The following RUFY2 variants were observed in gnomAD, a reference collection of about 807,000 sequenced individuals.
RUFY2 encodes RUN and FYVE domain containing 2.
Under a neutral mutation model 94.4 loss-of-function variants are expected in RUFY2, and 49 were observed. The ratio of observed to expected loss-of-function variants is 0.52; its 90% confidence interval spans 0.41 to 0.66. The LOEUF (loss-of-function observed/expected upper bound fraction) is 0.66. Among genes scored for constraint, RUFY2 ranks in the 30% least tolerant of loss-of-function variants. The pLI, the probability that RUFY2 is intolerant of heterozygous loss-of-function variation, is 0.00. For missense variants in RUFY2, 541 were observed against 692.8 expected (o/e 0.78, Z 2.46); for synonymous variants, 255 against 235.7 (o/e 1.08, Z -0.75).
At chr10:68,359,514 A>G (rs2047305299) in intron 15 of RUFY2, among the ~76,000 whole-genome samples, 1 of 146,762 alleles carries the variant, frequency 6.8e-6, no homozygotes, top group Non-Finnish European at 1.5e-5. Flanking sequence ...ATATAAATAT[A>G]CATAGTAGTA....
chr10:68,396,678 T>G, intron 4 of RUFY2, 102 bp downstream of exon 4: 1 of 664,294 alleles, frequency 1.5e-6, no homozygotes, highest in Non-Finnish European at 2.5e-6. Context: ...TATCATTTTA[T>G]TATATGTTAT....
intron 14 of RUFY2, 28 bp from the exon 15 acceptor site, chr10:68,363,712 A>T (rs1190817657): frequency 7.1e-7 from 1 of 1,409,728 alleles, no homozygotes; most frequent in Admixed American, 2.4e-5. Flanking sequence ...ACAGAAAATG[A>T]AATTTAAAAG....
intron 13 of RUFY2, among the ~76,000 whole-genome samples, chr10:68,367,258 A>G (rs1056121757): frequency 3.3e-5 from 5 of 152,178 alleles, no homozygotes; most frequent in African/African-American, 1.2e-4. Context: ...TCAGTAACAG[A>G]GTACCAGAGT....
At chr10:68,384,018 G>A (rs1382454948) in intron 9 of RUFY2, 33 bp downstream of exon 9, 1 of 1,590,006 alleles carries the variant, frequency 6.3e-7, no homozygotes. Flanking sequence ...TTTCTGACAC[G>A]AGATTGTCTG....
At chr10:68,402,525 A>G (rs2050927056) in intron 2 of RUFY2, among the ~76,000 whole-genome samples, 1 of 152,144 alleles carries the variant, frequency 6.6e-6, no homozygotes, top group Non-Finnish European at 1.5e-5. Flanking sequence ...CTGCTAGGAC[A>G]TGGTTCAACA....
rs967065488 is a variant in RUFY2, at chr10:68,357,550, AT to A, written c.1551-2150del. ...CCAAGCCCCAGTTGGTATAATTTAA[AT>A]TTTTTTTTCTTTAAAAAAGAAAATG... On this transcript the variant is annotated intron_variant, in intron 15 of 17. Transcript: ENST00000602465. Among the ~76,000 whole-genome samples, 22 of 151,572 alleles carry A rather than the reference AT, an allele frequency of 1.5e-4. No homozygotes were observed. The Middle Eastern group carries it at 0.017, about 117-fold the overall frequency.
At chr10:68,406,931 C>T (rs1056232499) in intron 1 of RUFY2, 1 of 1,558,740 alleles carries the variant, frequency 6.4e-7, no homozygotes, top group Non-Finnish European at 8.7e-7. Context: ...CTCCTGGACG[C>T]CGTGGCACCT....
chr10:68,380,002 G>T (rs2048933000), intron 11 of RUFY2, among the ~76,000 whole-genome samples: 1 of 151,838 alleles, frequency 6.6e-6, no homozygotes, highest in African/African-American at 2.4e-5. Context: ...TAGAGACAGG[G>T]TTTCACTGTG....
At chr10:68,384,547 A>C (rs1322096878) in intron 8 of RUFY2, among the ~76,000 whole-genome samples, 1 of 152,238 alleles carries the variant, frequency 6.6e-6, no homozygotes, top group Non-Finnish European at 1.5e-5. Context: ...AAAAACATGC[A>C]TAAGGAAAGA....
rs2049473157 is a variant in RUFY2, at chr10:68,386,077, A to G, written c.702T>C (p.Asn234=). 1 of 1,611,132 alleles carries G rather than the reference A, an allele frequency of 6.2e-7. No individual in the cohort carries two copies. Among genetic ancestry groups the G allele is most frequent in the Non-Finnish European group, 8.5e-7 (1 of 1,178,014 alleles). The stretch of plus-strand genomic sequence containing the variant: ...ACAATACCTCTTCAATCAGCTTAGT[A>G]TTTGACTTTTCTAATGAATCAACTC... ...HSRVDSLEKS[N]TKLIEELAIA... The change falls in exon 8 of 18, where the codon AAT becomes AAC. Residue 234 remains asparagine (N), a synonymous_variant. Transcript: ENST00000602465.
At chr10:68,396,971 G>A in intron 3 of RUFY2, 90 bp from the exon 4 acceptor site, 1 of 800,618 alleles carries the variant, frequency 1.2e-6, no homozygotes, top group Non-Finnish European at 2.0e-6. Context: ...AAGGAAAAAG[G>A]GCATTTTTAT....
rs370582559 is a variant in RUFY2 at position 68,383,788 on chromosome 10, T to C, written c.939+10A>G. On this transcript the variant is annotated intron_variant, in intron 10 of 17. Transcript: ENST00000602465. ...ATGATCTTGCTAATGTAATTTTTAA[T>C]ATAACCTACCTGTCGTAACTGAGAT... The C allele has an allele frequency of 6.4e-7, 1 of 1,561,654 alleles. No individual in the cohort carries two copies. Among genetic ancestry groups the C allele is most frequent in the Non-Finnish European group, 8.8e-7 (1 of 1,133,118 alleles).
At position 68,384,976 on chromosome 10, in the gene RUFY2, C is replaced by T. The variant is rs117689743; in HGVS notation, c.721-824G>A. On this transcript the variant is annotated intron_variant, in intron 8 of 17. Transcript: ENST00000602465. ...GTTCGTTGGTTTGGAAAAATTAGGC[C>T]AATTTGGCTGGGTGCAGTGGCTCAC... is the stretch of plus-strand genomic sequence containing the variant. Among the ~76,000 whole-genome samples the T allele has an allele frequency of 1.1e-4, 17 of 151,048 alleles. No individual in the cohort carries two copies. The East Asian group carries it at 3.3e-3, about 29-fold the overall frequency.
At position 68,345,843 on chromosome 10, in the gene RUFY2, A is replaced by G; in HGVS notation, c.1746T>C (p.Ser582=). Residue 582 remains serine (S), a synonymous_variant, in exon 18 of 18, where the codon TCT becomes TCC. Coordinates refer to ENST00000602465, the MANE Select transcript of RUFY2 (RefSeq NM_001330103.2). ...CACAAACCCGTACTGGTTTTGGTGA[A>G]GAAGGCAAAGGTAGTTCGTTGTCAG... ...ACSDNELPLP[S]SPKPVRVCDS... The G allele has an allele frequency of 2.5e-6, 4 of 1,614,156 alleles. No homozygotes were observed. The highest frequency in any genetic ancestry group is 3.4e-6 in the Non-Finnish European group (4 of 1,179,990).
chr10:68,347,050 T>A (rs774722549), intron 16 of RUFY2, among the ~76,000 whole-genome samples: 1 of 151,904 alleles, frequency 6.6e-6, no homozygotes, highest in Non-Finnish European at 1.5e-5. Flanking sequence ...GCCCAGGAGT[T>A]TGAGGCTGCA....
At chr10:68,361,253 T>C (rs2047447805) in intron 15 of RUFY2, among the ~76,000 whole-genome samples, 1 of 152,058 alleles carries the variant, frequency 6.6e-6, no homozygotes. Context: ...CACTCCAGCC[T>C]GGGCAACAAG....
At chr10:68,363,533 T>G in intron 15 of RUFY2, 57 bp downstream of exon 15, 4 of 1,170,784 alleles carry the variant, frequency 3.4e-6, no homozygotes, top group Non-Finnish European at 4.9e-6. Context: ...TTTGGCACAC[T>G]TATACCTTTT....
At chr10:68,369,653 G>A (rs923939639) in intron 13 of RUFY2, among the ~76,000 whole-genome samples, 2 of 152,172 alleles carry the variant, frequency 1.3e-5, no homozygotes, top group African/African-American at 4.8e-5. Context: ...CAGGAATGGT[G>A]GCTGACACCT....
intron 16 of RUFY2, among the ~76,000 whole-genome samples, chr10:68,354,223 C>T (rs1381922978): frequency 3.9e-5 from 6 of 151,986 alleles, no homozygotes; most frequent in East Asian, 3.9e-4. Context: ...CCCAGGCTGG[C>T]GTGCAGTAAG....
Sources: allele counts gnomAD v4.1 joint callset (sites outside exome capture counted in the v4.1 genomes callset), GRCh38; gene constraint gnomAD v4.1.1; transcripts MANE v1.5; gene names NCBI Gene and HGNC (gene_info 2026-07-23, HGNC 2026-07-21).